The following PRKG1 variants were observed in gnomAD, a reference collection of about 807,000 sequenced individuals.
PRKG1 encodes cGMP-dependent protein kinase 1.
In PRKG1, 35 loss-of-function variants were observed where a neutral mutation model predicts 88.1. The ratio of observed to expected loss-of-function variants is 0.40; its 90% CI spans 0.30 to 0.53. The LOEUF (loss-of-function observed/expected upper bound fraction) is 0.53, where lower values mean the gene tolerates loss of function less well. PRKG1 is among the 20% of genes least tolerant of loss of function. The probability of loss-of-function intolerance (pLI) is 0.59; values close to 1 mark genes in which losing one functional copy is unlikely to be tolerated. For missense variants in PRKG1, 540 were observed against 839.8 expected, an observed-to-expected ratio of 0.64 and a Z score of 4.41; for synonymous variants, 303 against 292.5, an observed-to-expected ratio of 1.04 and a Z score of -0.37.
chr10:51,898,920 T>C (rs1266958701), intron 4 of PRKG1, among the ~76,000 whole-genome samples: 2 of 152,156 alleles, frequency 1.3e-5, no homozygotes, highest in African/African-American at 4.8e-5. Context: ...TTTGGTATTA[T>C]AAGAATATAT....
chr10:51,603,575 A>G (rs1268727802), intron 3 of PRKG1, among the ~76,000 whole-genome samples: 1 of 152,168 alleles, frequency 6.6e-6, no homozygotes, highest in Non-Finnish European at 1.5e-5. Flanking sequence ...TCTGCCTGAA[A>G]GCCTGGTTGG....
At chr10:51,225,171 T>G (rs1838657994) in intron 2 of PRKG1, among the ~76,000 whole-genome samples, 1 of 152,198 alleles carries the variant, frequency 6.6e-6, no homozygotes. Flanking sequence ...GCTGGCGTAT[T>G]TAGTGTCTGG....
At chr10:51,409,159 T>G (rs1838005487) in intron 2 of PRKG1, among the ~76,000 whole-genome samples, 1 of 152,230 alleles carries the variant, frequency 6.6e-6, no homozygotes, top group Non-Finnish European at 1.5e-5. Context: ...AGAAAGGGGC[T>G]ATGCCGTAGC....
chr10:51,164,608 G>A (rs1397128426), intron 2 of PRKG1, among the ~76,000 whole-genome samples: 1 of 152,166 alleles, frequency 6.6e-6, no homozygotes, highest in Non-Finnish European at 1.5e-5. Context: ...CCGAGCTACA[G>A]GAGGAAATTC....
chr10:51,302,304 G>C (rs1013072012), intron 2 of PRKG1, among the ~76,000 whole-genome samples: 1 of 152,070 alleles, frequency 6.6e-6, no homozygotes, highest in East Asian at 1.9e-4. Flanking sequence ...TTTAGTAAAC[G>C]TGATAATGTA....
intron 3 of PRKG1, among the ~76,000 whole-genome samples, chr10:51,506,316 A>C (rs1459766955): frequency 6.6e-6 from 1 of 152,142 alleles, no homozygotes; most frequent in African/African-American, 2.4e-5. Flanking sequence ...GGATCTAATT[A>C]AACTAAAGAG....
At chr10:52,013,867 C>T (rs2057069708) in intron 5 of PRKG1, among the ~76,000 whole-genome samples, 1 of 152,154 alleles carries the variant, frequency 6.6e-6, no homozygotes, top group East Asian at 1.9e-4. Flanking sequence ...TCTTTACTCA[C>T]CTCTGTGGGT....
chr10:51,637,957 C>A (rs1265014832), intron 3 of PRKG1, among the ~76,000 whole-genome samples: 1 of 152,080 alleles, frequency 6.6e-6, no homozygotes, highest in Non-Finnish European at 1.5e-5. Flanking sequence ...TGATTGTCAG[C>A]CTGGGCCCTT....
At chr10:52,141,959 A>G (rs1258639129) in intron 8 of PRKG1, among the ~76,000 whole-genome samples, 2 of 152,194 alleles carry the variant, frequency 1.3e-5, no homozygotes, top group Non-Finnish European at 2.9e-5. Flanking sequence ...AACCCCTTTT[A>G]TAAATAAACT....
chr10:51,859,666 T>C (rs1840818068), intron 4 of PRKG1, among the ~76,000 whole-genome samples: 1 of 152,164 alleles, frequency 6.6e-6, no homozygotes, highest in African/African-American at 2.4e-5. Flanking sequence ...TCATCTGAAA[T>C]GTTCTTACCA....
intron 2 of PRKG1, among the ~76,000 whole-genome samples, chr10:51,224,350 T>C (rs1838632220): frequency 6.6e-6 from 1 of 152,232 alleles, no homozygotes; most frequent in African/African-American, 2.4e-5. Context: ...CATGGTAGCA[T>C]GTTCCATCCT....
chr10:51,603,061 A>G (rs772949561), intron 3 of PRKG1, among the ~76,000 whole-genome samples: 3 of 151,860 alleles, frequency 2.0e-5, no homozygotes, highest in Non-Finnish European at 4.4e-5. Context: ...TGGTTCAAGC[A>G]ATTCTCCTGC....
intron 1 of PRKG1, among the ~76,000 whole-genome samples, chr10:51,084,476 A>C (rs1424657024): frequency 6.6e-6 from 1 of 152,228 alleles, no homozygotes; most frequent in Admixed American, 6.5e-5. Flanking sequence ...AAATAAAATA[A>C]TGTTAATTAC....
intron 3 of PRKG1, among the ~76,000 whole-genome samples, chr10:51,607,125 G>T (rs372723238): frequency 8.2e-4 from 125 of 152,322 alleles, no homozygotes; most frequent in Middle Eastern, 3.4e-3. Context: ...GGTAAAAATG[G>T]TCTTTAAATG....
chr10:51,206,384 T>A (rs1230905493), intron 2 of PRKG1, among the ~76,000 whole-genome samples: 1 of 151,578 alleles, frequency 6.6e-6, no homozygotes, highest in Non-Finnish European at 1.5e-5. Flanking sequence ...TCCCAGCTAC[T>A]TGGGAGGCTG....
At chr10:51,867,424 A>G (rs2132849186) in intron 4 of PRKG1, among the ~76,000 whole-genome samples, 1 of 152,260 alleles carries the variant, frequency 6.6e-6, no homozygotes, top group African/African-American at 2.4e-5. Context: ...AAGAGATGGA[A>G]GGAGGGGAGA....
At chr10:51,961,177 T>C (rs976261720) in intron 5 of PRKG1, among the ~76,000 whole-genome samples, 1 of 152,200 alleles carries the variant, frequency 6.6e-6, no homozygotes, top group Non-Finnish European at 1.5e-5. Flanking sequence ...TACAGTTGTC[T>C]TGATATTGTG....
intron 2 of PRKG1, among the ~76,000 whole-genome samples, chr10:51,354,298 T>A (rs1842317260): frequency 6.6e-6 from 1 of 151,988 alleles, no homozygotes; most frequent in Non-Finnish European, 1.5e-5. Flanking sequence ...TAAAAATAAC[T>A]AAAAGAGTAT....
At chr10:51,434,862 T>C (rs1378498522) in intron 2 of PRKG1, among the ~76,000 whole-genome samples, 1 of 152,118 alleles carries the variant, frequency 6.6e-6, no homozygotes, top group Non-Finnish European at 1.5e-5. Context: ...ATGTGCTAAA[T>C]GGATCTCACT....
Sources: gnomAD v4.1 joint callset for allele counts (sites outside exome capture counted in the v4.1 genomes callset) on GRCh38, gnomAD v4.1.1 for gene constraint, MANE v1.5 for transcripts, NCBI Gene and HGNC (gene_info 2026-07-23, HGNC 2026-07-21) for gene names.